Variants in NCKAP5 observed in about 807,000 individuals in gnomAD.
NCKAP5 encodes the protein NCK associated protein 5.
A neutral mutation model predicts 167.0 loss-of-function variants in NCKAP5; 92 were observed. That is an observed-to-expected ratio of 0.55 (90% confidence interval 0.47 to 0.66). The LOEUF is 0.66. Among genes scored for constraint, NCKAP5 ranks in the 30% least tolerant of loss-of-function variants. The pLI, the probability that NCKAP5 is intolerant of heterozygous loss-of-function variation, is 0.00. For synonymous variants in NCKAP5, 891 were observed against 877.4 expected, an observed-to-expected ratio of 1.02 and a Z score of -0.27; for missense variants, 2,378 against 2,315.0, an observed-to-expected ratio of 1.03 and a Z score of -0.56.
At chr2:133,386,670 C>T (rs1166301374) in intron 3 of NCKAP5, among the ~76,000 whole-genome samples, 6 of 152,102 alleles carry the variant, frequency 3.9e-5, no homozygotes, top group East Asian at 3.9e-4. Context: ...CCATTATTAT[C>T]GTGTGGGAGT....
intron 7 of NCKAP5, among the ~76,000 whole-genome samples, chr2:132,966,384 G>A (rs957530503): frequency 6.6e-6 from 1 of 152,156 alleles, no homozygotes; most frequent in Non-Finnish European, 1.5e-5. Context: ...ACAGGCCTAA[G>A]CCACCACACC....
chr2:133,366,714 G>A (rs1309894621), intron 3 of NCKAP5, among the ~76,000 whole-genome samples: 1 of 152,150 alleles, frequency 6.6e-6, no homozygotes, highest in African/African-American at 2.4e-5. Flanking sequence ...CAGTTCATAA[G>A]AGAATATTTG....
intron 4 of NCKAP5, 48 bp downstream of exon 4, chr2:133,302,989 T>C: frequency 7.7e-7 from 1 of 1,297,528 alleles, no homozygotes; most frequent in Non-Finnish European, 1.1e-6. Flanking sequence ...AGCAAAGCTA[T>C]AAAGGATGCT....
At chr2:133,180,509 T>A (rs2084683630) in intron 5 of NCKAP5, among the ~76,000 whole-genome samples, 1 of 152,024 alleles carries the variant, frequency 6.6e-6, no homozygotes, top group African/African-American at 2.4e-5. Flanking sequence ...GCCTAATTTT[T>A]GTATTTTTTT....
intron 17 of NCKAP5, among the ~76,000 whole-genome samples, chr2:132,731,299 T>C (rs1016609955): frequency 1.3e-5 from 2 of 152,214 alleles, no homozygotes; most frequent in Admixed American, 1.3e-4. Context: ...TCAAACTATG[T>C]CTTTTATAGT....
the NCKAP5 span, among the ~76,000 whole-genome samples, chr2:133,666,155 A>G: frequency 6.8e-6 from 1 of 147,034 alleles, no homozygotes; most frequent in Admixed American, 6.7e-5. Flanking sequence ...ACTATATCAT[A>G]GTCATTATTT....
intron 6 of NCKAP5, among the ~76,000 whole-genome samples, chr2:133,081,012 T>C (rs1243254422): frequency 1.3e-5 from 2 of 152,128 alleles, no homozygotes; most frequent in Non-Finnish European, 2.9e-5. Context: ...AGTGGGGCTC[T>C]GCACAGTGTG....
At chr2:133,060,915 G>A (rs2079976541) in intron 6 of NCKAP5, among the ~76,000 whole-genome samples, 1 of 151,894 alleles carries the variant, frequency 6.6e-6, no homozygotes, top group African/African-American at 2.4e-5. Context: ...GAGCTTATAG[G>A]CCTTCTGATG....
At chr2:133,155,507 T>C (rs2083542939) in intron 5 of NCKAP5, among the ~76,000 whole-genome samples, 1 of 152,198 alleles carries the variant, frequency 6.6e-6, no homozygotes, top group Non-Finnish European at 1.5e-5. Flanking sequence ...CAAAAGTCTG[T>C]GCTCTTCTCA....
the NCKAP5 span, among the ~76,000 whole-genome samples, chr2:133,672,422 T>C: frequency 2.0e-5 from 3 of 152,240 alleles, no homozygotes; most frequent in African/African-American, 7.2e-5. Context: ...ATTTAGAAGT[T>C]TTATAGCAAT....
intron 6 of NCKAP5, among the ~76,000 whole-genome samples, chr2:133,085,454 C>T (rs1231992646): frequency 3.3e-5 from 5 of 152,102 alleles, no homozygotes; most frequent in East Asian, 1.9e-4. Context: ...AACATATATA[C>T]ACACACAAAA....
chr2:133,659,973 T>G, the NCKAP5 span, among the ~76,000 whole-genome samples: 1 of 152,178 alleles, frequency 6.6e-6, no homozygotes, highest in South Asian at 2.1e-4. Context: ...TTATTGATAA[T>G]GATTGATTGA....
At chr2:133,220,744 G>A (rs1286898518) in intron 4 of NCKAP5, among the ~76,000 whole-genome samples, 6 of 152,174 alleles carry the variant, frequency 3.9e-5, no homozygotes, top group African/African-American at 1.2e-4. Flanking sequence ...TTCAGTTTGT[G>A]TTATGTGGAG....
At chr2:133,367,177 G>A (rs1160095250) in intron 3 of NCKAP5, among the ~76,000 whole-genome samples, 3 of 152,288 alleles carry the variant, frequency 2.0e-5, no homozygotes, top group African/African-American at 7.2e-5. Context: ...GCCGAGGAGC[G>A]GTGGCTTTCC....
At chr2:133,070,422 G>A (rs2080349900) in intron 6 of NCKAP5, among the ~76,000 whole-genome samples, 2 of 152,086 alleles carry the variant, frequency 1.3e-5, no homozygotes, top group Admixed American at 6.6e-5. Flanking sequence ...TCCCCAGAAG[G>A]TGCCTGTGTG....
chr2:132,920,763 A>ATGTATGTATG lies in NCKAP5; in HGVS notation c.580-41848_580-41847insCATACATACA, dbSNP rs1558943131. On this transcript the variant is annotated intron_variant, in intron 8 of 19. Coordinates refer to ENST00000409261, the MANE Select transcript of NCKAP5 (RefSeq NM_207363.3). The stretch of plus-strand genomic sequence containing the variant: ...TATATGTGTATATATATATGTATAT[A>ATGTATGTATG]TATGTATGTATATATATATATATAT... 7.2e-5 allele frequency among the ~76,000 whole-genome samples: 5 copies of ATGTATGTATG among 69,266 alleles called. 1 individual carries two copies. Among genetic ancestry groups the ATGTATGTATG allele is most frequent in the African/African-American group, 3.4e-4 (5 of 14,708 alleles). The allele number at this position is 69,266 out of a possible 152,430, so 45.4% of individuals were successfully genotyped here. A position where few individuals can be genotyped will look rare whatever the true frequency, so the allele number is the denominator to read the frequency against.
Position 132,782,099 on chromosome 2 carries a change from T to C in NCKAP5, c.4712A>G (p.Asp1571Gly). 6.2e-7 allele frequency: 1 copy of C among 1,614,078 alleles called. No homozygotes were observed. Among genetic ancestry groups the C allele is most frequent in the South Asian group, 1.1e-5 (1 of 91,086 alleles). Residue 1571 changes from aspartate to glycine, a missense_variant, in exon 14 of 20, where the codon GAC becomes GGC. Coordinates refer to ENST00000409261, the MANE Select transcript of NCKAP5 (RefSeq NM_207363.3). ...ATCTGGATTATCTGCTGACTTGGTG[T>C]CCTTGATAAGCTCATTTTCTGTCTC... is the stretch of plus-strand genomic sequence containing the variant. The part of the protein sequence containing the change: ...QCETENELIK[D>G]TKSADNPDGG...
At chr2:133,297,166 AGTGTGTGTGTGTGTGTGTGTGTGTGTGT>A (rs60321858) in intron 4 of NCKAP5, among the ~76,000 whole-genome samples, 1 of 142,086 alleles carries the variant, frequency 7.0e-6, no homozygotes, top group Non-Finnish European at 1.5e-5. Context: ...AGGTTGTCAC[AGTGTGTGTGTGTGTGTGTGTGTGTGTGT>A]GTGTGTGTGT....
chr2:132,863,752 C>T (rs879575839), intron 10 of NCKAP5, among the ~76,000 whole-genome samples: 9 of 152,128 alleles, frequency 5.9e-5, no homozygotes, highest in Admixed American at 3.3e-4. Context: ...GAATCGCTTG[C>T]GTTGTTTTTA....
Sources: allele counts gnomAD v4.1 joint callset (sites outside exome capture counted in the v4.1 genomes callset), GRCh38; gene constraint gnomAD v4.1.1; transcripts MANE v1.5; gene names NCBI Gene and HGNC (gene_info 2026-07-23, HGNC 2026-07-21).